RUFY3: variants seen among roughly 807,000 people sequenced by gnomAD.
The protein encoded by RUFY3 is protein RUFY3.
Under a neutral mutation model 84.0 loss-of-function variants are expected in RUFY3, and 34 were observed. That is an observed-to-expected ratio of 0.40 (90% CI 0.31 to 0.54). RUFY3 has a LOEUF of 0.54. RUFY3 is among the 20% of genes least tolerant of loss of function. RUFY3 has a pLI of 0.39. For synonymous variants in RUFY3, 242 were observed against 252.9 expected (o/e 0.96, Z 0.41); for missense variants, 507 against 736.8 (o/e 0.69, Z 3.61).
intron 12 of RUFY3, chr4:70,793,382 A>C (rs1438645472): frequency 9.5e-7 from 1 of 1,047,506 alleles, no homozygotes; most frequent in Non-Finnish European, 1.2e-6. Flanking sequence ...ATGTGTGTAA[A>C]ACAGAAAAAT....
At chr4:70,794,230 C>T (rs1272411296) in intron 13 of RUFY3, among the ~76,000 whole-genome samples, 4 of 152,180 alleles carry the variant, frequency 2.6e-5, no homozygotes, top group African/African-American at 7.2e-5. Flanking sequence ...TGCAAACTCT[C>T]CTAATATCTT....
chr4:70,726,330 A>G (rs1268632709), intron 1 of RUFY3, among the ~76,000 whole-genome samples: 1 of 152,176 alleles, frequency 6.6e-6, no homozygotes, highest in African/African-American at 2.4e-5. Flanking sequence ...TTGATGCTTA[A>G]TAGATTGTGA....
intron 1 of RUFY3, among the ~76,000 whole-genome samples, chr4:70,715,730 A>G (rs1741502213): frequency 6.6e-6 from 1 of 152,198 alleles, no homozygotes; most frequent in Admixed American, 6.5e-5. Flanking sequence ...AGCTTTACAA[A>G]TTTAGTTGCA....
At chr4:70,718,706 C>T (rs189129933), upstream of RUFY3, among the ~76,000 whole-genome samples, 9 of 152,012 alleles carry the variant, frequency 5.9e-5, no homozygotes, top group African/African-American at 1.4e-4. Context: ...AATGTAAAAA[C>T]GGTACTAAGC....
chr4:70,743,947 C>T (rs552711394), intron 1 of RUFY3, among the ~76,000 whole-genome samples: 17 of 152,202 alleles, frequency 1.1e-4, no homozygotes, highest in Non-Finnish European at 1.5e-4. Flanking sequence ...AACTGTATTA[C>T]GTAACTTGGA....
intron 7 of RUFY3, among the ~76,000 whole-genome samples, chr4:70,775,945 A>AAAAAAAAAAAAC (rs1491416492): frequency 1.2e-4 from 2 of 16,730 alleles, no homozygotes; most frequent in African/African-American, 1.9e-4. Context: ...TGTCTTAAAC[A>AAAAAAAAAAAAC]AAAAAAAAAA....
At chr4:70,722,920 GA>G (rs1457881822) in intron 1 of RUFY3, among the ~76,000 whole-genome samples, 169 bp downstream of exon 1, 2 of 152,142 alleles carry the variant, frequency 1.3e-5, no homozygotes, top group African/African-American at 2.4e-5. Flanking sequence ...GCTCATGGGG[GA>G]AAGATAATTT....
chr4:70,719,604 G>A (rs1237247191), upstream of RUFY3, among the ~76,000 whole-genome samples: 4 of 152,098 alleles, frequency 2.6e-5, no homozygotes, highest in Non-Finnish European at 5.9e-5. Context: ...TTGGAGTTGT[G>A]GTTCCAGGAA....
exon 1 of RUFY3, chr4:70,705,080 G>A (rs1740105681): frequency 2.4e-5 from 31 of 1,307,504 alleles, no homozygotes; most frequent in Non-Finnish European, 3.0e-5. Flanking sequence ...GGCCGCCGCC[G>A]GCCTCCCCCG....
At chr4:70,781,294 G>A in intron 8 of RUFY3, among the ~76,000 whole-genome samples, 1 of 152,012 alleles carries the variant, frequency 6.6e-6, no homozygotes, top group East Asian at 1.9e-4. Context: ...GATTAGGCTG[G>A]GAAACATAGT....
At chr4:70,720,849 GC>G (rs1370965145), upstream of RUFY3, among the ~76,000 whole-genome samples, 1 of 150,826 alleles carries the variant, frequency 6.6e-6, no homozygotes, top group Non-Finnish European at 1.5e-5. Context: ...CTGCCCTTTT[GC>G]TACCAAGGTA....
At chr4:70,705,559 G>C (rs548338877) in intron 1 of RUFY3, among the ~76,000 whole-genome samples, 1 of 152,156 alleles carries the variant, frequency 6.6e-6, no homozygotes, top group African/African-American at 2.4e-5. Flanking sequence ...TCTCTCTCCC[G>C]TCTTGGGCTG....
intron 10 of RUFY3, among the ~76,000 whole-genome samples, chr4:70,785,732 G>T (rs1362390837): frequency 6.6e-6 from 1 of 152,046 alleles, no homozygotes; most frequent in South Asian, 2.1e-4. Flanking sequence ...AGCTACTTGG[G>T]AGGCTGACCA....
intron 10 of RUFY3, among the ~76,000 whole-genome samples, chr4:70,787,168 G>GAAAA (rs71211959): frequency 4.3e-4 from 23 of 52,912 alleles, no homozygotes; most frequent in African/African-American, 1.7e-3. Flanking sequence ...CCCTGTCTCA[G>GAAAA]AAAAAAAAAA....
chr4:70,718,093 C>T (rs963750369), upstream of RUFY3, among the ~76,000 whole-genome samples: 2 of 151,990 alleles, frequency 1.3e-5, no homozygotes. Flanking sequence ...CCGTGTTAGC[C>T]AGGATGGTCT....
chr4:70,741,652 G>A, intron 1 of RUFY3: 1 of 1,521,816 alleles, frequency 6.6e-7, no homozygotes, highest in Non-Finnish European at 8.8e-7. Flanking sequence ...TGACAGATTT[G>A]GTGGAGCAAA....
chr4:70,803,183 A>G (rs1361016051), intron 16 of RUFY3, 200 bp downstream of exon 16: 2 of 448,542 alleles, frequency 4.5e-6, no homozygotes, highest in Non-Finnish European at 7.9e-6. Context: ...CTAAGTAAAC[A>G]TCAGTTCTCA....
intron 1 of RUFY3, among the ~76,000 whole-genome samples, chr4:70,740,342 T>C (rs773300483): frequency 6.6e-6 from 1 of 152,172 alleles, no homozygotes; most frequent in Non-Finnish European, 1.5e-5. Flanking sequence ...ATATGTCTGT[T>C]TGTAACAGAA....
In RUFY3 at chr4:70,768,411, A is replaced by G. The variant is rs1282160221; in HGVS notation, c.573-127A>G. 6 of 748,676 alleles carry G rather than the reference A, an allele frequency of 8.0e-6. No homozygotes were observed. The East Asian group carries it at 1.4e-4, about 17-fold the overall frequency. 46.4% of individuals were successfully genotyped at this position (748,676 alleles called of 1,614,324 possible). A position where few individuals can be genotyped will look rare whatever the true frequency, so the allele number is the denominator to read the frequency against. ...TTCTTTTTGTAGTTTTTTTTTTACT[A>G]TTTTTGTAGATGGCTATAATCAACC... On this transcript the variant is annotated intron_variant, in intron 4 of 17. Transcript: ENST00000381006.
Sources: gnomAD v4.1 joint callset for allele counts (sites outside exome capture counted in the v4.1 genomes callset) on GRCh38, gnomAD v4.1.1 for gene constraint, MANE v1.5 for transcripts, NCBI Gene and HGNC (gene_info 2026-07-23, HGNC 2026-07-21) for gene names.